The following GLRA2 variants were observed in gnomAD, a reference collection of about 807,000 sequenced individuals.
GLRA2 encodes the protein glycine receptor alpha 2.
Under a neutral mutation model 31.6 loss-of-function variants are expected in GLRA2, and 11 were observed. The ratio of observed to expected loss-of-function variants is 0.35; its 90% CI spans 0.22 to 0.58. The LOEUF (loss-of-function observed/expected upper bound fraction) is 0.58, where lower values mean the gene tolerates loss of function less well. GLRA2 is among the 20% of genes least tolerant of loss of function. The probability of loss-of-function intolerance (pLI) is 0.84; values close to 1 mark genes in which losing one functional copy is unlikely to be tolerated. For missense variants in GLRA2, 212 were observed against 351.8 expected, an observed-to-expected ratio of 0.60 and a Z score of 3.18; for synonymous variants, 132 against 134.0, an observed-to-expected ratio of 0.99 and a Z score of 0.10.
At chrX:14,650,095 T>C (rs16996968) in intron 7 of GLRA2, among the ~76,000 whole-genome samples, 2,913 of 111,764 alleles carry the variant, frequency 0.026, 85 homozygotes, top group African/African-American at 0.09. Context: ...TAATAAAACA[T>C]TGGTGCGAGG....
At chrX:14,687,258 T>C (rs111801492) in intron 7 of GLRA2, among the ~76,000 whole-genome samples, 4,234 of 111,872 alleles carry the variant, frequency 0.038, 87 homozygotes, top group Non-Finnish European at 0.055. Context: ...ATTCCAGCTT[T>C]GGTGAATCTG....
intron 7 of GLRA2, among the ~76,000 whole-genome samples, chrX:14,621,533 G>T (rs2090518279): frequency 9.1e-6 from 1 of 109,802 alleles, no homozygotes; most frequent in Non-Finnish European, 1.9e-5. Context: ...CCCCCGACAG[G>T]CCCCGGTGTG....
chrX:14,455,744 GTTTAA>G, the GLRA2 span, among the ~76,000 whole-genome samples: 1 of 111,564 alleles, frequency 9.0e-6, no homozygotes, highest in South Asian at 3.7e-4. Context: ...ATGAATTTGT[GTTTAA>G]TTTTAGCAGA....
chrX:14,536,596 C>G (rs1445698937), intron 2 of GLRA2, among the ~76,000 whole-genome samples: 1 of 111,942 alleles, frequency 8.9e-6, no homozygotes, highest in Non-Finnish European at 1.9e-5. Context: ...GAAATACAGA[C>G]AGTAATTGGT....
intron 7 of GLRA2, among the ~76,000 whole-genome samples, chrX:14,643,529 C>A (rs1391631863): frequency 1.8e-5 from 2 of 111,704 alleles, no homozygotes; most frequent in Admixed American, 9.5e-5. Context: ...CCAATTGACA[C>A]CATCATGCTC....
At chrX:14,519,511 G>A in the GLRA2 span, among the ~76,000 whole-genome samples, 2 of 112,009 alleles carry the variant, frequency 1.8e-5, no homozygotes, top group African/African-American at 6.5e-5. Context: ...TTACTTGGCA[G>A]CCCAGTGGCT....
chrX:14,521,606 A>C, the GLRA2 span, among the ~76,000 whole-genome samples: 1 of 111,647 alleles, frequency 9.0e-6, no homozygotes, highest in Non-Finnish European at 1.9e-5. Context: ...GCAGATGGTC[A>C]CAGGACTTAG....
intron 7 of GLRA2, among the ~76,000 whole-genome samples, chrX:14,634,124 T>G (rs1170476711): frequency 1.8e-5 from 2 of 110,718 alleles, no homozygotes; most frequent in Non-Finnish European, 3.8e-5. Flanking sequence ...AATTTTTGTA[T>G]TTTTAGTAGA....
At chrX:14,517,277 C>T in the GLRA2 span, among the ~76,000 whole-genome samples, 1 of 111,972 alleles carries the variant, frequency 8.9e-6, no homozygotes, top group Non-Finnish European at 1.9e-5. Context: ...ACTATTTACT[C>T]TAGGTATTAA....
the GLRA2 span, among the ~76,000 whole-genome samples, chrX:14,465,207 T>C: frequency 8.9e-6 from 1 of 112,026 alleles, no homozygotes; most frequent in Non-Finnish European, 1.9e-5. Context: ...GGTATTTTTG[T>C]AGCTATTGTA....
the GLRA2 span, among the ~76,000 whole-genome samples, chrX:14,520,101 C>T: frequency 4.5e-5 from 5 of 112,025 alleles, no homozygotes; most frequent in Admixed American, 2.8e-4. Flanking sequence ...TCAGCATTCT[C>T]GGAATCCAAG....
At chrX:14,594,796 G>GAAAAAATGATGTGTCTCT (rs2090182332) in intron 4 of GLRA2, among the ~76,000 whole-genome samples, 1 of 111,155 alleles carries the variant, frequency 9.0e-6, no homozygotes, top group Non-Finnish European at 1.9e-5. Flanking sequence ...CAGTGCATAT[G>GAAAAAATGATGTGTCTCT]GGTATTTTTT....
the GLRA2 span, among the ~76,000 whole-genome samples, chrX:14,470,040 TAGAG>T: frequency 4.5e-5 from 5 of 111,329 alleles, 1 homozygote; most frequent in South Asian, 1.9e-3. Context: ...AATATTTTAA[TAGAG>T]ATTTTTCCAA....
At chrX:14,451,364 C>T in the GLRA2 span, among the ~76,000 whole-genome samples, 1 of 110,628 alleles carries the variant, frequency 9.0e-6, no homozygotes, top group Admixed American at 9.7e-5. Flanking sequence ...GGTGTGGTAG[C>T]TCATGTCTGT....
upstream of GLRA2, among the ~76,000 whole-genome samples, chrX:14,526,622 G>T: frequency 9.0e-6 from 1 of 111,685 alleles, no homozygotes; most frequent in African/African-American, 3.3e-5. Flanking sequence ...ATGATGCCTT[G>T]GCCTTTGGTT....
At chrX:14,469,588 C>T in the GLRA2 span, among the ~76,000 whole-genome samples, 1 of 104,380 alleles carries the variant, frequency 9.6e-6, no homozygotes, top group Non-Finnish European at 1.9e-5. Flanking sequence ...AGTAAACTAT[C>T]GCAAGAACAA....
upstream of GLRA2, among the ~76,000 whole-genome samples, chrX:14,525,176 T>C (rs993212432): frequency 8.9e-6 from 1 of 111,739 alleles, no homozygotes; most frequent in African/African-American, 3.2e-5. Context: ...TAGCATGATA[T>C]AGACCAAATA....
intron 7 of GLRA2, among the ~76,000 whole-genome samples, chrX:14,635,030 GTAAA>G (rs1430971974): frequency 1.8e-5 from 2 of 111,538 alleles, no homozygotes; most frequent in African/African-American, 6.5e-5. Context: ...GGAATTTGGA[GTAAA>G]TAAATGGGTT....
chrX:14,463,041 C>T, the GLRA2 span, among the ~76,000 whole-genome samples: 2 of 111,522 alleles, frequency 1.8e-5, no homozygotes, highest in African/African-American at 6.5e-5. Flanking sequence ...GTGTGGATGT[C>T]CTTTTTGTTG....
Sources: gnomAD v4.1 joint callset for allele counts (sites outside exome capture counted in the v4.1 genomes callset) on GRCh38, gnomAD v4.1.1 for gene constraint, MANE v1.5 for transcripts, NCBI Gene and HGNC (gene_info 2026-07-23, HGNC 2026-07-21) for gene names.